RGS17: variants seen among roughly 807,000 people sequenced by gnomAD.
RGS17 encodes the protein regulator of G-protein signaling 17.
In RGS17, 12 loss-of-function variants were observed where a neutral mutation model predicts 25.5. The observed-to-expected ratio is 0.47, with a 90% CI of 0.30 to 0.76. The LOEUF is 0.76. Ranked by LOEUF, RGS17 falls within the 30% of genes least tolerant of loss-of-function variation. The pLI, the probability that RGS17 is intolerant of heterozygous loss-of-function variation, is 0.07. For missense variants in RGS17, 196 were observed against 242.2 expected (o/e 0.81, Z 1.27); for synonymous variants, 71 against 76.9 (o/e 0.92, Z 0.40).
intron 1 of RGS17, among the ~76,000 whole-genome samples, chr6:153,061,244 G>C (rs1385425532): frequency 6.6e-6 from 1 of 152,164 alleles, no homozygotes. Context: ...AGTTAGAGCA[G>C]CTTTTGTCAG....
intron 1 of RGS17, among the ~76,000 whole-genome samples, chr6:153,124,331 TA>T (rs1293393626): frequency 6.6e-6 from 1 of 152,156 alleles, no homozygotes; most frequent in African/African-American, 2.4e-5. Flanking sequence ...AATATGTTTG[TA>T]AGCAGGTTGG....
chr6:153,126,908 AAAGG>A (rs1777712155), intron 1 of RGS17, among the ~76,000 whole-genome samples: 1 of 152,228 alleles, frequency 6.6e-6, no homozygotes, highest in African/African-American at 2.4e-5. Flanking sequence ...AAACAGCAAC[AAAGG>A]AATGTTAATT....
At chr6:153,062,666 A>C (rs1326511004) in intron 1 of RGS17, among the ~76,000 whole-genome samples, 1 of 152,116 alleles carries the variant, frequency 6.6e-6, no homozygotes, top group Non-Finnish European at 1.5e-5. Context: ...GCTACCAGCT[A>C]CTGGAATGCT....
chr6:153,111,763 C>T (rs1472041621), intron 1 of RGS17, among the ~76,000 whole-genome samples: 1 of 152,196 alleles, frequency 6.6e-6, no homozygotes, highest in Non-Finnish European at 1.5e-5. Context: ...GCAATCTTTG[C>T]TGTTCTGCAG....
At chr6:153,025,661 C>T (rs1228165523) in intron 3 of RGS17, among the ~76,000 whole-genome samples, 1 of 143,100 alleles carries the variant, frequency 7.0e-6, no homozygotes, top group Non-Finnish European at 1.5e-5. Flanking sequence ...TATATAAAAA[C>T]ATATATATAT....
chr6:153,067,831 C>T (rs187672447), intron 1 of RGS17, among the ~76,000 whole-genome samples: 4 of 152,184 alleles, frequency 2.6e-5, no homozygotes, highest in Admixed American at 1.3e-4. Flanking sequence ...TATGGAACCA[C>T]AAAAGACCCA....
intron 1 of RGS17, among the ~76,000 whole-genome samples, chr6:153,085,566 G>A (rs1760261122): frequency 6.6e-6 from 1 of 152,196 alleles, no homozygotes; most frequent in Non-Finnish European, 1.5e-5. Flanking sequence ...AAGGGAAGCA[G>A]TGCATTAATT....
chr6:153,043,777 C>A, intron 2 of RGS17, 123 bp downstream of exon 2: 1 of 609,676 alleles, frequency 1.6e-6, no homozygotes. Flanking sequence ...ATAAGTCCTA[C>A]TTGCAAAGAA....
At chr6:153,026,871 T>C (rs1247644501) in intron 2 of RGS17, among the ~76,000 whole-genome samples, 3 of 151,848 alleles carry the variant, frequency 2.0e-5, no homozygotes, top group East Asian at 1.9e-4. Context: ...TATATGTATA[T>C]ACACACACAC....
intron 2 of RGS17, among the ~76,000 whole-genome samples, chr6:153,028,493 G>A (rs988814265): frequency 3.9e-5 from 6 of 152,148 alleles, no homozygotes; most frequent in African/African-American, 1.4e-4. Context: ...AGTCCTCTAT[G>A]TCACTATACA....
At chr6:153,106,082 G>C (rs534727591) in intron 1 of RGS17, among the ~76,000 whole-genome samples, 5 of 152,226 alleles carry the variant, frequency 3.3e-5, no homozygotes, top group Admixed American at 3.3e-4. Flanking sequence ...CTGAGCCCTG[G>C]TTATGGATAG....
At chr6:153,028,793 T>C (rs2129107494) in intron 2 of RGS17, among the ~76,000 whole-genome samples, 1 of 152,368 alleles carries the variant, frequency 6.6e-6, no homozygotes, top group South Asian at 2.1e-4. Flanking sequence ...AAAAGAGCTT[T>C]CATCCCCTGC....
intron 1 of RGS17, among the ~76,000 whole-genome samples, chr6:153,106,966 C>T (rs1261618284): frequency 6.6e-6 from 1 of 151,988 alleles, no homozygotes; most frequent in East Asian, 1.9e-4. Flanking sequence ...CTAGGATTCA[C>T]AGAGTTCTAC....
At chr6:153,065,567 A>C (rs1028815714) in intron 1 of RGS17, among the ~76,000 whole-genome samples, 1 of 152,224 alleles carries the variant, frequency 6.6e-6, no homozygotes, top group African/African-American at 2.4e-5. Context: ...AAAAACTGAA[A>C]TAATATCAAC....
At chr6:153,103,562 T>A (rs1007006592) in intron 1 of RGS17, among the ~76,000 whole-genome samples, 1 of 152,106 alleles carries the variant, frequency 6.6e-6, no homozygotes, top group South Asian at 2.1e-4. Context: ...TTGTCCTCCA[T>A]GATCAAACCA....
rs777916271 is a variant in RGS17, at chr6:153,043,870, G to T, written c.119+30C>A. On this transcript the variant is annotated intron_variant, in intron 2 of 4. Coordinates refer to ENST00000206262, the MANE Select transcript of RGS17 (RefSeq NM_012419.5). ...TCACACTAGTGCCTGCCAAGCCTGG[G>T]TGTGGCATCCTACAGGTAACATGAC... 2.9e-6 allele frequency: 4 copies of T among 1,397,876 alleles called. No homozygotes were observed. The African/African-American group carries it at 5.8e-5, about 20-fold the overall frequency. The allele number at this position is 1,397,876 out of a possible 1,614,324, so 86.6% of individuals were successfully genotyped here.
At chr6:153,096,678 T>A (rs184820995) in intron 1 of RGS17, among the ~76,000 whole-genome samples, 3 of 152,322 alleles carry the variant, frequency 2.0e-5, no homozygotes, top group African/African-American at 7.2e-5. Flanking sequence ...ATGTAAACTT[T>A]AGGAAATTTT....
chr6:153,064,397 G>A lies in RGS17; in HGVS notation c.-25-20354C>T, dbSNP rs185879002. Among the ~76,000 whole-genome samples, 228 of 152,318 alleles carry A rather than the reference G, an allele frequency of 1.5e-3. 1 individual carries two copies. The highest frequency in any genetic ancestry group is 5.1e-3 in the African/African-American group (213 of 41,578). ...TGTAATCCCAGCACTTTGGGAGGCT[G>A]AGGCAGGTGGATCATGAGGTGAGGA... On this transcript the variant is annotated intron_variant, in intron 1 of 4. Transcript: ENST00000206262.
chr6:153,012,902 G>A (rs960299506), intron 4 of RGS17, among the ~76,000 whole-genome samples: 4 of 152,068 alleles, frequency 2.6e-5, no homozygotes, highest in Admixed American at 1.3e-4. Flanking sequence ...ATTCCATCCA[G>A]TGTCCCCAGG....
Sources: gnomAD v4.1 joint callset for allele counts (sites outside exome capture counted in the v4.1 genomes callset) on GRCh38, gnomAD v4.1.1 for gene constraint, MANE v1.5 for transcripts, NCBI Gene and HGNC (gene_info 2026-07-23, HGNC 2026-07-21) for gene names.